PTPRD: variants seen among roughly 807,000 people sequenced by gnomAD.
PTPRD encodes the protein protein tyrosine phosphatase receptor type D.
A neutral mutation model predicts 214.5 loss-of-function variants in PTPRD; 34 were observed. The observed-to-expected ratio is 0.16, with a 90% confidence interval of 0.12 to 0.21. The LOEUF is 0.21. Ranked by LOEUF, PTPRD falls within the 10% of genes least tolerant of loss-of-function variation. The pLI is 1.00. For missense variants in PTPRD, 2,545 were observed against 2,398.7 expected (o/e 1.06, Z -1.27); for synonymous variants, 1,128 against 845.7 (o/e 1.33, Z -5.79).
At chr9:10,041,040 G>T (rs2154142173) in intron 3 of PTPRD, among the ~76,000 whole-genome samples, 1 of 152,012 alleles carries the variant, frequency 6.6e-6, no homozygotes, top group Admixed American at 6.6e-5. Flanking sequence ...GTATTTCACT[G>T]TTTTTGAAAA....
intron 5 of PTPRD, among the ~76,000 whole-genome samples, chr9:9,854,490 GA>G (rs754388030): frequency 1.1e-4 from 17 of 148,066 alleles, no homozygotes; most frequent in South Asian, 6.4e-4. Context: ...TCTTTTCTCA[GA>G]AAAAAAAGAT....
chr9:10,050,665 A>G (rs1467414374), intron 3 of PTPRD, among the ~76,000 whole-genome samples: 2 of 151,822 alleles, frequency 1.3e-5, no homozygotes, highest in East Asian at 1.9e-4. Flanking sequence ...GAAATGTTCA[A>G]AATATGTAAA....
At chr9:9,360,400 C>G (rs1460736962) in intron 9 of PTPRD, among the ~76,000 whole-genome samples, 2 of 151,166 alleles carry the variant, frequency 1.3e-5, no homozygotes, top group Non-Finnish European at 3.0e-5. Flanking sequence ...CAAGTAAAAT[C>G]CCATTTCCTA....
chr9:8,495,999 ATAG>A (rs1274022851), intron 26 of PTPRD, among the ~76,000 whole-genome samples: 1 of 152,168 alleles, frequency 6.6e-6, no homozygotes, highest in Non-Finnish European at 1.5e-5. Context: ...GTATTATATT[ATAG>A]TTTACCTCTT....
intron 3 of PTPRD, among the ~76,000 whole-genome samples, chr9:10,256,444 C>T (rs184726745): frequency 3.3e-5 from 5 of 150,010 alleles, no homozygotes; most frequent in Admixed American, 1.3e-4. Flanking sequence ...AATAAAAATA[C>T]AGTATACTAT....
intron 10 of PTPRD, among the ~76,000 whole-genome samples, chr9:9,134,058 CT>C (rs928663989): frequency 0.014 from 1,091 of 75,396 alleles, 3 homozygotes; most frequent in African/African-American, 0.048. Context: ...TAGAATCATT[CT>C]TTTTTTTTTT....
chr9:8,955,208 G>T (rs2099124689), intron 11 of PTPRD, among the ~76,000 whole-genome samples: 1 of 151,834 alleles, frequency 6.6e-6, no homozygotes, highest in African/African-American at 2.4e-5. Flanking sequence ...CTCCAGTGAG[G>T]TCAGAATATG....
chr9:9,380,113 A>T (rs905095381), intron 9 of PTPRD, among the ~76,000 whole-genome samples: 1 of 152,020 alleles, frequency 6.6e-6, no homozygotes, highest in Non-Finnish European at 1.5e-5. Flanking sequence ...GTGTCTTACC[A>T]TTAAGTTTGA....
intron 8 of PTPRD, among the ~76,000 whole-genome samples, chr9:9,413,977 A>G (rs1266989194): frequency 6.6e-6 from 1 of 152,234 alleles, no homozygotes; most frequent in Non-Finnish European, 1.5e-5. Flanking sequence ...TTTCAGGGAA[A>G]GAGTAGAATT....
intron 3 of PTPRD, among the ~76,000 whole-genome samples, chr9:10,045,079 T>C (rs1196954746): frequency 1.3e-5 from 2 of 151,696 alleles, no homozygotes; most frequent in Non-Finnish European, 3.0e-5. Flanking sequence ...TTATTCAAGA[T>C]TCAGAGGTCA....
intron 5 of PTPRD, among the ~76,000 whole-genome samples, chr9:9,863,894 T>G (rs1435951820): frequency 6.6e-6 from 1 of 152,124 alleles, no homozygotes; most frequent in Non-Finnish European, 1.5e-5. Context: ...GAACTATACC[T>G]GATCCCTGTC....
intron 2 of PTPRD, among the ~76,000 whole-genome samples, chr9:10,478,439 C>T: frequency 6.6e-6 from 1 of 152,136 alleles, no homozygotes; most frequent in South Asian, 2.1e-4. Flanking sequence ...AACTACTTAG[C>T]ATTTCCCAGT....
Position 8,948,493 on chromosome 9 carries a change from TTATATATATATTTATATATATATATTTA to T in PTPRD, c.-104+70176_-104+70203del, listed in dbSNP as rs1211637633. ...CATATATATATATTTATATATATATTTATATATATATTTATATATATATATTTATATATATATTTATATATATATTTAT... is the reference window on the plus strand; with the variant it reads ...CATATATATATATTTATATATATATTTATATATATTTATATATATATTTAT... On this transcript the variant is annotated intron_variant, in intron 11 of 45. Transcript: ENST00000381196. 6.2e-5 allele frequency among the ~76,000 whole-genome samples: 3 copies of T among 48,440 alleles called. 1 individual carries two copies. Among genetic ancestry groups the T allele is most frequent in the African/African-American group, 2.7e-4 (3 of 10,982 alleles). 31.8% of individuals were successfully genotyped at this position (48,440 alleles called of 152,430 possible).
chr9:8,820,415 T>C (rs1340949543), intron 11 of PTPRD, among the ~76,000 whole-genome samples: 2 of 152,098 alleles, frequency 1.3e-5, no homozygotes, highest in East Asian at 3.9e-4. Flanking sequence ...GAGAGTATAT[T>C]TAAATATACA....
At chr9:9,812,092 T>C (rs2047324623) in intron 5 of PTPRD, among the ~76,000 whole-genome samples, 2 of 151,400 alleles carry the variant, frequency 1.3e-5, no homozygotes, top group African/African-American at 2.4e-5. Context: ...CATATAATTG[T>C]TAGCAGTTTT....
intron 7 of PTPRD, among the ~76,000 whole-genome samples, chr9:9,598,477 T>G (rs1279769440): frequency 1.3e-5 from 2 of 151,900 alleles, no homozygotes; most frequent in Non-Finnish European, 2.9e-5. Flanking sequence ...ACAGTTACTT[T>G]TAATAAAATA....
chr9:9,043,048 T>C (rs1019899680), intron 10 of PTPRD, among the ~76,000 whole-genome samples: 3 of 152,170 alleles, frequency 2.0e-5, no homozygotes, highest in African/African-American at 7.2e-5. Flanking sequence ...AAAACTTGGT[T>C]CTTTATAGTT....
chr9:9,645,776 TC>T lies in PTPRD; in HGVS notation c.-286-70996del, dbSNP rs536315755. Reference sequence around the variant, plus strand: ...GCTTTAATATCCACCATTTTAACATTCATATCTTTATCTTTCTCCTGAATAA... The same window carrying T: ...GCTTTAATATCCACCATTTTAACATTATATCTTTATCTTTCTCCTGAATAA... On this transcript the variant is annotated intron_variant, in intron 7 of 45. Transcript: ENST00000381196. Among the ~76,000 whole-genome samples the T allele has an allele frequency of 3.3e-5, 5 of 152,264 alleles. No individual in the cohort carries two copies. In the South Asian group the frequency reaches 1.0e-3, roughly 32 times the overall value.
chr9:10,532,804 C>A (rs549123709), intron 2 of PTPRD, among the ~76,000 whole-genome samples: 9 of 151,872 alleles, frequency 5.9e-5, no homozygotes, highest in African/African-American at 9.7e-5. Context: ...TGCTTCCAGA[C>A]TAAAATTCTC....
Sources: allele counts gnomAD v4.1 joint callset (sites outside exome capture counted in the v4.1 genomes callset), GRCh38; gene constraint gnomAD v4.1.1; transcripts MANE v1.5; gene names NCBI Gene and HGNC (gene_info 2026-07-23, HGNC 2026-07-21).